The following ZNF93 variants were observed in gnomAD, a reference collection of about 807,000 sequenced individuals.
ZNF93 encodes zinc finger protein 93.
Under a neutral mutation model 45.0 loss-of-function variants are expected in ZNF93, and 29 were observed. The observed-to-expected ratio is 0.64, with a 90% CI of 0.48 to 0.88. The LOEUF is 0.88. Ranked by LOEUF, ZNF93 falls within the 40% of genes least tolerant of loss-of-function variation. ZNF93 has a pLI of 0.00. For missense variants in ZNF93, 578 were observed against 724.0 expected, an observed-to-expected ratio of 0.80 and a Z score of 2.31; for synonymous variants, 223 against 244.6, an observed-to-expected ratio of 0.91 and a Z score of 0.82.
At chr19:19,901,499 G>A (rs769637987) in intron 1 of ZNF93, among the ~76,000 whole-genome samples, 32 of 152,164 alleles carry the variant, frequency 2.1e-4, no homozygotes, top group Non-Finnish European at 3.8e-4. Flanking sequence ...ATGGGGCTGG[G>A]CAAGGTGGCT....
At chr19:19,911,712 A>G (rs2063308852) in intron 1 of ZNF93, among the ~76,000 whole-genome samples, 1 of 152,126 alleles carries the variant, frequency 6.6e-6, no homozygotes, top group Non-Finnish European at 1.5e-5. Flanking sequence ...TCTGATGTCT[A>G]CACCTGAAGG....
chr19:19,903,889 GGTGGAACCCT>G (rs898235914), intron 1 of ZNF93, among the ~76,000 whole-genome samples: 3 of 151,804 alleles, frequency 2.0e-5, no homozygotes, highest in African/African-American at 7.3e-5. Context: ...TGGCCAACGT[GGTGGAACCCT>G]GTGTGTACTA....
At chr19:19,910,353 C>T (rs2063304314) in intron 1 of ZNF93, among the ~76,000 whole-genome samples, 2 of 152,136 alleles carry the variant, frequency 1.3e-5, no homozygotes, top group South Asian at 4.1e-4. Flanking sequence ...TCACTATTGC[C>T]ACAAGTAATT....
chr19:19,901,328 G>A (rs1393497374), intron 1 of ZNF93, among the ~76,000 whole-genome samples: 1 of 152,178 alleles, frequency 6.6e-6, no homozygotes, highest in Non-Finnish European at 1.5e-5. Flanking sequence ...TGGAGCCCTC[G>A]CTGGGCAGCT....
At chr19:19,918,557 C>T (rs953731581) in intron 3 of ZNF93, among the ~76,000 whole-genome samples, 1 of 152,182 alleles carries the variant, frequency 6.6e-6, no homozygotes, top group Non-Finnish European at 1.5e-5. Context: ...AACTAGTTTA[C>T]AGTCCCACCA....
At chr19:19,929,471 T>A (rs1250222730) in intron 3 of ZNF93, among the ~76,000 whole-genome samples, 1 of 152,204 alleles carries the variant, frequency 6.6e-6, no homozygotes, top group Non-Finnish European at 1.5e-5. Context: ...CTCGCTTCAC[T>A]TTTATCAATA....
In ZNF93 at chr19:19,911,075, A is replaced by G. The variant is rs2063306310; in HGVS notation, c.4-4205A>G. On this transcript the variant is annotated intron_variant, in intron 1 of 3. Coordinates refer to ENST00000343769, the MANE Select transcript of ZNF93 (RefSeq NM_031218.4). Reference sequence around the variant, plus strand: ...TCGGGGCCACAAAGTATCCAGAGCCATGACCACAATTATATTTAGCTGTAA... The same window carrying G: ...TCGGGGCCACAAAGTATCCAGAGCCGTGACCACAATTATATTTAGCTGTAA... Among the ~76,000 whole-genome samples, 3 of 152,244 alleles carry G rather than the reference A, an allele frequency of 2.0e-5. No homozygotes were observed. The South Asian group carries it at 6.2e-4, about 32-fold the overall frequency.
Position 19,933,318 on chromosome 19 carries a change from T to G in ZNF93, c.363T>G (p.Asp121Glu). Residue 121 changes from aspartate (D) to glutamate (E), a missense_variant, in exon 4 of 4, where the codon GAT becomes GAG. By Grantham distance (45) the Asp-to-Glu change is conservative (BLOSUM62 2). This residue lies in a region of ZNF93 where 446 missense variants were observed against 547.6 expected (regional missense o/e 0.81). Transcript: ENST00000343769. ...LQLIKRCESV[D>E]ECKVHTGGYN... ...TAATAAAAAGGTGTGAAAGTGTAGA[T>G]GAGTGTAAGGTGCACACAGGAGGTT... 1 of 1,612,848 alleles carries G rather than the reference T, an allele frequency of 6.2e-7. No homozygotes were observed. The highest frequency in any genetic ancestry group is 8.5e-7 in the Non-Finnish European group (1 of 1,179,362).
intron 1 of ZNF93, among the ~76,000 whole-genome samples, chr19:19,913,187 C>G (rs1274126199): frequency 6.6e-6 from 1 of 152,182 alleles, no homozygotes; most frequent in Non-Finnish European, 1.5e-5. Flanking sequence ...TTCAAACATA[C>G]AGAATCACAT....
intron 1 of ZNF93, chr19:19,907,962 T>A (rs552363101): frequency 7.2e-4 from 110 of 152,366 alleles, no homozygotes; most frequent in African/African-American, 2.5e-3. Flanking sequence ...GCAATTTTTT[T>A]AAATGCTACA....
intron 1 of ZNF93, among the ~76,000 whole-genome samples, chr19:19,909,866 A>G (rs2063302873): frequency 6.6e-6 from 1 of 152,252 alleles, no homozygotes; most frequent in Non-Finnish European, 1.5e-5. Flanking sequence ...TTAAATATGC[A>G]CGTGGAATTT....
intron 1 of ZNF93, among the ~76,000 whole-genome samples, chr19:19,901,630 A>G (rs775088234): frequency 6.6e-5 from 10 of 151,940 alleles, no homozygotes; most frequent in African/African-American, 1.7e-4. Flanking sequence ...AAAAATTGTA[A>G]ATCAACCCTA....
chr19:19,933,981 G>C lies in ZNF93; in HGVS notation c.1026G>C (p.Lys342Asn). 1 of 1,609,796 alleles carries C rather than the reference G, an allele frequency of 6.2e-7. No homozygotes were observed. The highest frequency in any genetic ancestry group is 8.5e-7 in the Non-Finnish European group (1 of 1,178,598). ...TTCATACTGGAGAGAAACCATACAA[G>C]TGTAATAAATGTGGCAAAGCCTTTA... is the stretch of plus-strand genomic sequence containing the variant. ...KRIHTGEKPY[K>N]CNKCGKAFIA... is the part of the protein sequence containing the mutation. Residue 342 changes from lysine (K) to asparagine (N), a missense_variant, in exon 4 of 4, where the codon AAG (lysine) becomes AAC (asparagine). By Grantham distance (94) the Lys-to-Asn change is moderately conservative. This residue lies in a region of ZNF93 where 446 missense variants were observed against 547.6 expected (regional missense o/e 0.81). Coordinates refer to ENST00000343769, the MANE Select transcript of ZNF93 (RefSeq NM_031218.4).
chr19:19,923,586 C>T (rs187777655), intron 3 of ZNF93, among the ~76,000 whole-genome samples: 250 of 152,298 alleles, frequency 1.6e-3, no homozygotes, highest in Middle Eastern at 6.8e-3. Flanking sequence ...TTCCTGGATG[C>T]TTTGTTTACC....
intron 3 of ZNF93, among the ~76,000 whole-genome samples, chr19:19,929,592 C>T (rs1196793595): frequency 3.3e-5 from 5 of 152,230 alleles, no homozygotes; most frequent in Admixed American, 1.3e-4. Flanking sequence ...CATCATATAA[C>T]GTAGGCACCA....
chr19:19,904,229 C>T (rs1455122401), intron 1 of ZNF93, among the ~76,000 whole-genome samples: 1 of 148,974 alleles, frequency 6.7e-6, no homozygotes, highest in Non-Finnish European at 1.5e-5. Context: ...TTTCTATAAA[C>T]TGTTTCTGGA....
intron 3 of ZNF93, among the ~76,000 whole-genome samples, chr19:19,917,184 G>A (rs146640038): frequency 1.8e-4 from 28 of 151,738 alleles, no homozygotes; most frequent in African/African-American, 6.5e-4. Context: ...CCTCAAGATT[G>A]CTTTGGCTAT....
At chr19:19,908,015 T>C (rs2063297694) in intron 1 of ZNF93, among the ~76,000 whole-genome samples, 2 of 152,358 alleles carry the variant, frequency 1.3e-5, no homozygotes, top group Middle Eastern at 3.4e-3. Flanking sequence ...CTTATTTATA[T>C]CTAATATCCA....
chr19:19,907,716 T>C (rs1568506637), intron 1 of ZNF93: 1 of 152,060 alleles, frequency 6.6e-6, no homozygotes, highest in Admixed American at 6.6e-5. Flanking sequence ...CTTTTGTATT[T>C]TTAGCAGAGA....
Sources: allele counts gnomAD v4.1 joint callset (sites outside exome capture counted in the v4.1 genomes callset), GRCh38; gene constraint gnomAD v4.1.1; regional missense constraint gnomAD v4.1.1; transcripts MANE v1.5; gene names NCBI Gene and HGNC (gene_info 2026-07-23, HGNC 2026-07-21).